The following LDLRAD4 variants were observed in gnomAD, a reference collection of about 807,000 sequenced individuals.
The protein encoded by LDLRAD4 is low-density lipoprotein receptor class A domain-containing protein 4.
Under a neutral mutation model 17.0 loss-of-function variants are expected in LDLRAD4, and 5 were observed. The observed-to-expected ratio is 0.29, with a 90% CI of 0.15 to 0.62. The LOEUF (loss-of-function observed/expected upper bound fraction) is 0.62. Among genes scored for constraint, LDLRAD4 ranks in the 20% least tolerant of loss-of-function variants. The pLI, the probability that LDLRAD4 is intolerant of heterozygous loss-of-function variation, is 0.84. For missense variants in LDLRAD4, 340 were observed against 424.7 expected, an observed-to-expected ratio of 0.80 and a Z score of 1.75; for synonymous variants, 168 against 171.8, an observed-to-expected ratio of 0.98 and a Z score of 0.17.
chr18:13,264,640 T>G lies in LDLRAD4; in HGVS notation c.-466-13465T>G, dbSNP rs2044112388. ...TCCCATGTGGGACTGCCATGCAGGT[T>G]GAAGACGGTTTTGTGCTTTTCTCTG... On this transcript the variant is annotated intron_variant, in intron 1 of 5. Coordinates refer to the LDLRAD4 transcript ENST00000399848. Among the ~76,000 whole-genome samples, 6 of 152,370 alleles carry G rather than the reference T, an allele frequency of 3.9e-5. No homozygotes were observed. The South Asian group carries it at 1.2e-3, about 32-fold the overall frequency.
chr18:13,307,861 A>G (rs2047004356), intron 1 of LDLRAD4, among the ~76,000 whole-genome samples: 2 of 152,264 alleles, frequency 1.3e-5, no homozygotes, highest in Middle Eastern at 3.2e-3. Context: ...ATAGGCCATT[A>G]GTAGTTACAT....
intron 3 of LDLRAD4, among the ~76,000 whole-genome samples, chr18:13,439,454 C>G (rs1307135637): frequency 1.3e-5 from 2 of 152,196 alleles, no homozygotes; most frequent in Non-Finnish European, 2.9e-5. Flanking sequence ...TCAAGTTTTT[C>G]TATTGTATTC....
At chr18:13,426,765 A>C (rs567293481) in intron 2 of LDLRAD4, among the ~76,000 whole-genome samples, 11 of 152,328 alleles carry the variant, frequency 7.2e-5, no homozygotes, top group Non-Finnish European at 1.6e-4. Flanking sequence ...CTGCAGTAGA[A>C]CATCCTGCCA....
rs1221338271 is a variant in LDLRAD4 at position 13,622,624 on chromosome 18, G to A, written c.336+1353G>A. Among the ~76,000 whole-genome samples the A allele has an allele frequency of 3.9e-5, 6 of 152,286 alleles. No individual in the cohort carries two copies. Among genetic ancestry groups the A allele is most frequent in the East Asian group, 3.9e-4 (2 of 5,176 alleles). On this transcript the variant is annotated intron_variant, in intron 4 of 5. Coordinates refer to ENST00000359446, the Ensembl canonical transcript of LDLRAD4. This position sits in a 1 kb window ranked among gnomAD's most constrained non-coding sequence, Gnocchi z 5.3. Reference sequence around the variant, plus strand: ...GTCCACAGAGCTGCGCCATCCAGACGCACTGAACACTTTGGCATCCTGATG... The same window carrying A: ...GTCCACAGAGCTGCGCCATCCAGACACACTGAACACTTTGGCATCCTGATG...
intron 3 of LDLRAD4, among the ~76,000 whole-genome samples, chr18:13,499,323 GCCA>G (rs2093566331): frequency 6.9e-6 from 1 of 144,596 alleles, no homozygotes; most frequent in African/African-American, 2.6e-5. Flanking sequence ...CACACGTCCC[GCCA>G]TGGATACTGG....
chr18:13,224,073 GCCCT>G (rs1353332277), intron 1 of LDLRAD4, among the ~76,000 whole-genome samples: 1 of 152,162 alleles, frequency 6.6e-6, no homozygotes, highest in Non-Finnish European at 1.5e-5. Context: ...CCGTGCTGTA[GCCCT>G]CCCTCCCCAA....
At chr18:13,310,054 T>C (rs2047141094) in intron 1 of LDLRAD4, among the ~76,000 whole-genome samples, 1 of 151,958 alleles carries the variant, frequency 6.6e-6, no homozygotes, top group Non-Finnish European at 1.5e-5. Flanking sequence ...AGAGGAGACA[T>C]TGAACCTCGG....
chr18:13,383,770 A>C (rs1030269874), intron 1 of LDLRAD4, among the ~76,000 whole-genome samples: 1 of 151,762 alleles, frequency 6.6e-6, no homozygotes, highest in African/African-American at 2.4e-5. Flanking sequence ...TGGTCACCTG[A>C]CACACTTACT....
At chr18:13,298,129 C>T (rs975183696) in intron 1 of LDLRAD4, among the ~76,000 whole-genome samples, 7 of 152,178 alleles carry the variant, frequency 4.6e-5, no homozygotes, top group African/African-American at 1.7e-4. Flanking sequence ...AGGGGCAGGG[C>T]TCTGGTTCCA....
chr18:13,640,472 G>C (rs2042450410), intron 4 of LDLRAD4, among the ~76,000 whole-genome samples: 1 of 152,188 alleles, frequency 6.6e-6, no homozygotes, highest in Non-Finnish European at 1.5e-5. Context: ...GGCAGGAATG[G>C]CCTGAACTCC....
intron 2 of LDLRAD4, among the ~76,000 whole-genome samples, chr18:13,388,604 G>A (rs1281656699): frequency 1.3e-5 from 2 of 152,268 alleles, no homozygotes; most frequent in Non-Finnish European, 2.9e-5. Flanking sequence ...CAGCTTTTCA[G>A]ATTTTGTGGA....
intron 3 of LDLRAD4, among the ~76,000 whole-genome samples, chr18:13,617,962 A>C (rs2040236184): frequency 6.6e-6 from 1 of 152,248 alleles, no homozygotes; most frequent in Non-Finnish European, 1.5e-5. Flanking sequence ...CTGGGTCCAG[A>C]AATGTCACTT....
intron 1 of LDLRAD4, among the ~76,000 whole-genome samples, chr18:13,254,807 C>G (rs571209364): frequency 6.6e-6 from 1 of 152,158 alleles, no homozygotes; most frequent in African/African-American, 2.4e-5. Flanking sequence ...TTACAAAAGC[C>G]CCCAAAATTA....
intron 3 of LDLRAD4, among the ~76,000 whole-genome samples, chr18:13,518,424 T>G (rs1279513040): frequency 4.6e-5 from 7 of 152,208 alleles, no homozygotes; most frequent in Admixed American, 4.6e-4. Flanking sequence ...AAAAGTCGTC[T>G]TTCTCCTTAT....
intron 3 of LDLRAD4, among the ~76,000 whole-genome samples, chr18:13,468,856 G>T (rs1162143912): frequency 7.7e-6 from 1 of 129,590 alleles, no homozygotes; most frequent in African/African-American, 2.9e-5. Flanking sequence ...GTTGTGGGGT[G>T]GGGGGAGGGG....
chr18:13,497,946 C>A (rs866920142), intron 3 of LDLRAD4, among the ~76,000 whole-genome samples: 1 of 151,860 alleles, frequency 6.6e-6, no homozygotes, highest in East Asian at 1.9e-4. Flanking sequence ...ACTGGAGAAT[C>A]CTTCTCGCCA....
intron 1 of LDLRAD4, among the ~76,000 whole-genome samples, chr18:13,295,646 G>T (rs2046230095): frequency 1.3e-5 from 2 of 152,240 alleles, no homozygotes; most frequent in South Asian, 4.1e-4. Flanking sequence ...GATGGTGGTA[G>T]TCTGGTGACT....
chr18:13,379,534 G>A (rs920777612), intron 1 of LDLRAD4, among the ~76,000 whole-genome samples: 1 of 152,242 alleles, frequency 6.6e-6, no homozygotes, highest in African/African-American at 2.4e-5. Context: ...GCCCCATGGT[G>A]ACAGGAGCTT....
intron 3 of LDLRAD4, among the ~76,000 whole-genome samples, chr18:13,528,528 G>GTC (rs1011759816): frequency 3.9e-5 from 6 of 152,066 alleles, no homozygotes; most frequent in African/African-American, 1.2e-4. Flanking sequence ...AGCCGGGCTG[G>GTC]TCTCAAACTC....
Sources: allele counts gnomAD v4.1 joint callset (sites outside exome capture counted in the v4.1 genomes callset), GRCh38; gene constraint gnomAD v4.1.1; non-coding constraint Gnocchi (gnomAD v3.1); transcripts MANE v1.5; gene names NCBI Gene and HGNC (gene_info 2026-07-23, HGNC 2026-07-21).